The following XKR9 variants were observed in gnomAD, a reference collection of about 807,000 sequenced individuals.
XKR9 encodes XK-related protein 9.
In XKR9, 32 loss-of-function variants were observed where a neutral mutation model predicts 32.0. That is an observed-to-expected ratio of 1.00 (90% CI 0.76 to 1.34). The LOEUF (loss-of-function observed/expected upper bound fraction) is 1.34, where lower values mean the gene tolerates loss of function less well. XKR9 is among the 40% of genes most tolerant of loss of function. XKR9 has a pLI of 0.00. For missense variants in XKR9, 546 were observed against 429.7 expected, an observed-to-expected ratio of 1.27 and a Z score of -2.39; for synonymous variants, 168 against 143.4, an observed-to-expected ratio of 1.17 and a Z score of -1.22.
At chr8:70,755,643 G>A (rs1005339223) in intron 2 of XKR9, among the ~76,000 whole-genome samples, 1 of 151,138 alleles carries the variant, frequency 6.6e-6, no homozygotes, top group Non-Finnish European at 1.5e-5. Context: ...ATCATTCTCA[G>A]TAAACTATCG....
At chr8:70,683,203 G>A (rs779012350) in intron 3 of XKR9, among the ~76,000 whole-genome samples, 8 of 152,138 alleles carry the variant, frequency 5.3e-5, no homozygotes, top group African/African-American at 1.2e-4. Flanking sequence ...AGTGTGTAAC[G>A]TGCGGTCTTA....
At chr8:70,871,006 T>C in the XKR9 span, among the ~76,000 whole-genome samples, 1 of 152,218 alleles carries the variant, frequency 6.6e-6, no homozygotes, top group Non-Finnish European at 1.5e-5. Flanking sequence ...AAATGTGTTG[T>C]TATATTCTCC....
At chr8:70,899,558 C>G in the XKR9 span, among the ~76,000 whole-genome samples, 1 of 151,944 alleles carries the variant, frequency 6.6e-6, no homozygotes, top group African/African-American at 2.4e-5. Flanking sequence ...ACCCCTATTG[C>G]AGATCCATCT....
In XKR9 at chr8:70,735,605, C is replaced by G. The variant is rs962421727; in HGVS notation, c.*1181C>G. The G allele has an allele frequency of 1.0e-5, 1 of 99,888 alleles. No homozygotes were observed. Among genetic ancestry groups the G allele is most frequent in the Admixed American group, 1.4e-4 (1 of 7,386 alleles). 6.2% of individuals were successfully genotyped at this position (99,888 alleles called of 1,614,324 possible). A position where few individuals can be genotyped will look rare whatever the true frequency, so the allele number is the denominator to read the frequency against. On this transcript the variant is annotated 3_prime_UTR_variant, in exon 5 of 5. Transcript: ENST00000408926. ...ATTAGGTATATCTCCTAAAGCTATCCCTCCCCCCTCCCCCCACCCCACAAC... is the reference window on the plus strand; with the variant it reads ...ATTAGGTATATCTCCTAAAGCTATCGCTCCCCCCTCCCCCCACCCCACAAC...
At chr8:70,697,031 T>C (rs1297115133) in intron 3 of XKR9, among the ~76,000 whole-genome samples, 4 of 151,932 alleles carry the variant, frequency 2.6e-5, no homozygotes, top group Non-Finnish European at 5.9e-5. Flanking sequence ...GTACATTGAT[T>C]TTGTATCCTG....
chr8:70,809,188 C>A, the XKR9 span, among the ~76,000 whole-genome samples: 6 of 152,206 alleles, frequency 3.9e-5, no homozygotes, highest in Non-Finnish European at 7.3e-5. Context: ...CAAACAGGAT[C>A]TGGAGTGGAC....
At chr8:70,879,135 C>T in the XKR9 span, among the ~76,000 whole-genome samples, 1 of 152,152 alleles carries the variant, frequency 6.6e-6, no homozygotes, top group African/African-American at 2.4e-5. Flanking sequence ...ATACCAGAAT[C>T]TCTGGGGACA....
At chr8:70,704,098 T>C (rs1337529496) in intron 3 of XKR9, among the ~76,000 whole-genome samples, 5 of 151,862 alleles carry the variant, frequency 3.3e-5, no homozygotes, top group Admixed American at 6.6e-5. Flanking sequence ...AGGAGAATGG[T>C]GTGAACCCGG....
At chr8:71,042,903 G>T in the XKR9 span, among the ~76,000 whole-genome samples, 4 of 152,174 alleles carry the variant, frequency 2.6e-5, no homozygotes, top group Admixed American at 6.5e-5. Context: ...TGATTAAATA[G>T]ATGTTTTTCC....
the XKR9 span, among the ~76,000 whole-genome samples, chr8:70,819,410 C>T: frequency 6.6e-6 from 1 of 152,170 alleles, no homozygotes; most frequent in African/African-American, 2.4e-5. Flanking sequence ...TAAAAATTTC[C>T]ATTCTCTCCT....
chr8:70,708,052 C>T (rs17760532), intron 4 of XKR9, among the ~76,000 whole-genome samples: 50,089 of 151,786 alleles, frequency 0.33, 9,424 homozygotes, highest in Non-Finnish European at 0.43. Flanking sequence ...TGTCTCTGTT[C>T]CCATTTTCCT....
the XKR9 span, among the ~76,000 whole-genome samples, chr8:70,916,868 C>A: frequency 7.0e-6 from 1 of 142,208 alleles, no homozygotes; most frequent in East Asian, 2.0e-4. Context: ...TGTGAAAAAG[C>A]TTTTTTTTTT....
At chr8:70,913,820 A>G in the XKR9 span, among the ~76,000 whole-genome samples, 1 of 152,180 alleles carries the variant, frequency 6.6e-6, no homozygotes, top group African/African-American at 2.4e-5. Flanking sequence ...GGAAAGTTAT[A>G]TAAAATGGGA....
intron 3 of XKR9, among the ~76,000 whole-genome samples, chr8:70,702,214 TCA>T (rs1805562983): frequency 6.6e-6 from 1 of 152,180 alleles, no homozygotes; most frequent in Non-Finnish European, 1.5e-5. Flanking sequence ...AAATTTTACC[TCA>T]GTCTCCAAAT....
chr8:70,976,226 C>T, the XKR9 span, among the ~76,000 whole-genome samples: 4 of 147,430 alleles, frequency 2.7e-5, no homozygotes, highest in Non-Finnish European at 6.0e-5. Context: ...TTTCTTTCTC[C>T]TGCCTGATTG....
At chr8:70,967,369 G>A in the XKR9 span, among the ~76,000 whole-genome samples, 1 of 151,968 alleles carries the variant, frequency 6.6e-6, no homozygotes, top group South Asian at 2.1e-4. Flanking sequence ...ATGCCTGGCC[G>A]GGTCTTGACT....
chr8:70,943,399 G>C, the XKR9 span, among the ~76,000 whole-genome samples: 1 of 152,158 alleles, frequency 6.6e-6, no homozygotes, highest in Non-Finnish European at 1.5e-5. Context: ...GAGGAATAAA[G>C]TAGGAGCATA....
intron 3 of XKR9, among the ~76,000 whole-genome samples, chr8:70,683,162 T>G (rs528066072): frequency 2.4e-3 from 366 of 152,348 alleles, no homozygotes; most frequent in African/African-American, 8.6e-3. Context: ...CATTGGTCTA[T>G]TCCAATATGC....
At chr8:70,807,004 G>C in the XKR9 span, among the ~76,000 whole-genome samples, 2 of 152,004 alleles carry the variant, frequency 1.3e-5, no homozygotes, top group South Asian at 2.1e-4. Context: ...AAATGTTAAG[G>C]GCAGCCAGAG....
Sources: allele counts gnomAD v4.1 joint callset (sites outside exome capture counted in the v4.1 genomes callset), GRCh38; gene constraint gnomAD v4.1.1; transcripts MANE v1.5; gene names NCBI Gene and HGNC (gene_info 2026-07-23, HGNC 2026-07-21).